C10orf90: variants seen among roughly 807,000 people sequenced by gnomAD.
The protein encoded by C10orf90 is chromosome 10 open reading frame 90, also known as (E2-independent) E3 ubiquitin-conjugating enzyme FATS.
Under a neutral mutation model 62.5 loss-of-function variants are expected in C10orf90, and 56 were observed. The ratio of observed to expected loss-of-function variants is 0.90; its 90% CI spans 0.72 to 1.12. C10orf90 has a LOEUF of 1.12. C10orf90 is among the 50% of genes most tolerant of loss of function. The pLI, the probability that C10orf90 is intolerant of heterozygous loss-of-function variation, is 0.00. For missense variants in C10orf90, 970 were observed against 880.4 expected (o/e 1.10, Z -1.29); for synonymous variants, 386 against 340.4 (o/e 1.13, Z -1.47).
intron 2 of C10orf90, among the ~76,000 whole-genome samples, chr10:126,612,035 A>G (rs551287226): frequency 6.6e-6 from 1 of 152,344 alleles, no homozygotes; most frequent in East Asian, 1.9e-4. Context: ...AGTGCTCAAG[A>G]GTCGGCCAGA....
At chr10:126,619,830 G>A (rs531021426) in intron 2 of C10orf90, among the ~76,000 whole-genome samples, 13 of 152,070 alleles carry the variant, frequency 8.5e-5, no homozygotes, top group African/African-American at 1.7e-4. Context: ...CTGTAGAGAC[G>A]GGGTTTTGCC....
At chr10:126,464,050 C>T (rs569140755) in intron 5 of C10orf90, among the ~76,000 whole-genome samples, 1 of 152,340 alleles carries the variant, frequency 6.6e-6, no homozygotes, top group African/African-American at 2.4e-5. Context: ...AGGAAATGTA[C>T]ATTTTTCCTG....
chr10:126,623,205 T>G (rs1307985522), intron 2 of C10orf90, among the ~76,000 whole-genome samples: 1 of 152,152 alleles, frequency 6.6e-6, no homozygotes, highest in Non-Finnish European at 1.5e-5. Context: ...GGCTTTGGAC[T>G]TCACCATGAG....
chr10:126,535,912 C>T (rs1591078102), intron 2 of C10orf90, among the ~76,000 whole-genome samples: 1 of 152,172 alleles, frequency 6.6e-6, no homozygotes, highest in Admixed American at 6.5e-5. Context: ...TCTCCAAGAA[C>T]CATCTGACGT....
At chr10:126,529,619 T>C (rs1473426691) in intron 2 of C10orf90, among the ~76,000 whole-genome samples, 4 of 152,190 alleles carry the variant, frequency 2.6e-5, no homozygotes, top group African/African-American at 9.7e-5. Flanking sequence ...ACTGAAAAGA[T>C]ATTCAACCTC....
chr10:126,586,892 A>C (rs1245866572), intron 2 of C10orf90, among the ~76,000 whole-genome samples: 1 of 152,174 alleles, frequency 6.6e-6, no homozygotes, highest in African/African-American at 2.4e-5. Flanking sequence ...AGTGGATGAA[A>C]ATAGTCCGAG....
intron 1 of C10orf90, among the ~76,000 whole-genome samples, chr10:126,651,953 G>A (rs371266031): frequency 2.0e-5 from 3 of 152,210 alleles, no homozygotes; most frequent in African/African-American, 7.2e-5. Flanking sequence ...TGCGATGGAT[G>A]GTTCCAGGTT....
At chr10:126,511,808 T>C (rs1863123572) in intron 3 of C10orf90, among the ~76,000 whole-genome samples, 1 of 152,208 alleles carries the variant, frequency 6.6e-6, no homozygotes, top group Non-Finnish European at 1.5e-5. Context: ...TATATGTTTC[T>C]GTATTTTCCT....
chr10:126,437,863 T>C (rs1858023928), intron 7 of C10orf90, among the ~76,000 whole-genome samples: 2 of 152,158 alleles, frequency 1.3e-5, no homozygotes, highest in Admixed American at 1.3e-4. Context: ...GTGAAGGCAA[T>C]GCTGTGGAAG....
intron 7 of C10orf90, among the ~76,000 whole-genome samples, chr10:126,435,766 T>A (rs1857876680): frequency 6.6e-6 from 1 of 152,064 alleles, no homozygotes; most frequent in Non-Finnish European, 1.5e-5. Flanking sequence ...TCAGTCCCCT[T>A]CACTTCCTGA....
chr10:126,607,992 G>T (rs1315990711), intron 2 of C10orf90, among the ~76,000 whole-genome samples: 1 of 152,218 alleles, frequency 6.6e-6, no homozygotes, highest in Admixed American at 6.5e-5. Context: ...GGGAAAGAGG[G>T]AATGGGGAAT....
chr10:126,504,418 G>T lies in C10orf90; in HGVS notation c.1073C>A (p.Pro358Gln). The change falls in exon 4 of 10, where the codon CCA (proline) becomes CAA (glutamine). Residue 358 changes from proline (P) to glutamine (Q), a missense_variant. Physicochemically the swap from Pro to Gln is moderately conservative, Grantham distance 76 (BLOSUM62 -1). Coordinates refer to ENST00000488181, the MANE Select transcript of C10orf90 (RefSeq NM_001350921.2). The surrounding 1 kb of genome is among the most constrained non-coding windows in gnomAD (Gnocchi z 4.1). ...CVHLRVSQQC[P>Q]DSIYYVDKSL... ...CTTGTCTACGTAATAGATTGAATCTGGACACTGCTGAGACACCCTGAGGTG... is the reference window on the plus strand; with the variant it reads ...CTTGTCTACGTAATAGATTGAATCTTGACACTGCTGAGACACCCTGAGGTG... The T allele has an allele frequency of 6.2e-7, 1 of 1,614,198 alleles. No homozygotes were observed. Among genetic ancestry groups the T allele is most frequent in the Non-Finnish European group, 8.5e-7 (1 of 1,180,036 alleles).
intron 8 of C10orf90, 55 bp from the exon 9 acceptor site, chr10:126,426,145 G>A (rs1564782737): frequency 7.1e-7 from 1 of 1,400,888 alleles, no homozygotes; most frequent in Non-Finnish European, 1.0e-6. Context: ...TGCTCCCGCT[G>A]TGGGGCTGCA....
chr10:126,583,091 A>C (rs1359032516), intron 2 of C10orf90, among the ~76,000 whole-genome samples: 1 of 152,140 alleles, frequency 6.6e-6, no homozygotes, highest in East Asian at 1.9e-4. Flanking sequence ...CTCACTCCAT[A>C]GTTATGACAA....
intron 2 of C10orf90, among the ~76,000 whole-genome samples, chr10:126,628,923 G>T (rs1198827662): frequency 6.6e-6 from 1 of 152,152 alleles, no homozygotes; most frequent in Non-Finnish European, 1.5e-5. Flanking sequence ...TGCTATCATG[G>T]GTGCCCACCG....
intron 3 of C10orf90, among the ~76,000 whole-genome samples, chr10:126,507,432 G>A (rs1591036973): frequency 7.0e-6 from 1 of 142,116 alleles, no homozygotes; most frequent in Admixed American, 7.1e-5. Flanking sequence ...AGAAGAAATA[G>A]ACAGGAGAGT....
At chr10:126,473,456 C>G (rs1463265552) in intron 4 of C10orf90, among the ~76,000 whole-genome samples, 1 of 152,102 alleles carries the variant, frequency 6.6e-6, no homozygotes, top group African/African-American at 2.4e-5. Flanking sequence ...AGAAAAAGTC[C>G]TTTGTGAGAA....
chr10:126,465,084 G>A lies in C10orf90; in HGVS notation c.1535-98C>T, dbSNP rs116419137. Reference sequence around the variant, plus strand: ...TGGTGCTTTTCTCGGGACAGACTTGGGGGGGAGTACAGCACTGCAAGTTCA... The same window carrying A: ...TGGTGCTTTTCTCGGGACAGACTTGAGGGGGAGTACAGCACTGCAAGTTCA... On this transcript the variant is annotated intron_variant, in intron 4 of 9. Coordinates refer to ENST00000488181, the MANE Select transcript of C10orf90 (RefSeq NM_001350921.2). 120 of 1,312,694 alleles carry A rather than the reference G, an allele frequency of 9.1e-5. 2 individuals are homozygous for A. Among genetic ancestry groups the A allele is most frequent in the South Asian group, 3.3e-4 (24 of 71,734 alleles). 81.3% of individuals were successfully genotyped at this position (1,312,694 alleles called of 1,614,324 possible).
intron 1 of C10orf90, among the ~76,000 whole-genome samples, chr10:126,664,059 T>C (rs770407201): frequency 9.2e-5 from 14 of 152,184 alleles, no homozygotes; most frequent in Non-Finnish European, 1.9e-4. Flanking sequence ...TTGTCCGTGA[T>C]GGAATTTGCA....
Sources: gnomAD v4.1 joint callset for allele counts (sites outside exome capture counted in the v4.1 genomes callset) on GRCh38, gnomAD v4.1.1 for gene constraint, Gnocchi (gnomAD v3.1) non-coding constraint, MANE v1.5 for transcripts, NCBI Gene and HGNC (gene_info 2026-07-23, HGNC 2026-07-21) for gene names.